TPRN: variants seen among roughly 807,000 people sequenced by gnomAD.
The protein encoded by TPRN is chromosome 9 open reading frame 75.
In TPRN, 32 loss-of-function variants were observed where a neutral mutation model predicts 42.6. The observed-to-expected ratio is 0.75, with a 90% confidence interval of 0.57 to 1.01. The LOEUF (loss-of-function observed/expected upper bound fraction) is 1.01. Ranked by LOEUF, TPRN falls within the 50% of genes least tolerant of loss-of-function variation. The pLI, the probability that TPRN is intolerant of heterozygous loss-of-function variation, is 0.00. For synonymous variants in TPRN, 541 were observed against 445.6 expected, an observed-to-expected ratio of 1.21 and a Z score of -2.70; for missense variants, 1,095 against 957.5, an observed-to-expected ratio of 1.14 and a Z score of -1.90.
intron 1 of TPRN, chr9:137,192,979 G>A: frequency 2.1e-6 from 1 of 479,566 alleles, no homozygotes; most frequent in Non-Finnish European, 3.8e-6. Flanking sequence ...CTCTAGACCA[G>A]CTCCTGGAGC....
chr9:137,199,912 G>T lies in TPRN; in HGVS notation c.800C>A (p.Thr267Asn), dbSNP rs1834775434. The change falls in exon 1 of 4, where the codon ACC becomes AAC. Residue 267 changes from threonine to asparagine, a missense_variant. Physicochemically the swap from Thr to Asn is moderately conservative, Grantham distance 65. Transcript: ENST00000409012. ...PSLHPPPSPG[T>N]PSATPASPPA... Reference sequence around the variant, plus strand: ...GGGTGAGGCTGGAGTGGCACTCGGGGTCCCGGGGCTGGGGGGCGGGTGGAG... The same window carrying T: ...GGGTGAGGCTGGAGTGGCACTCGGGTTCCCGGGGCTGGGGGGCGGGTGGAG... The T allele has an allele frequency of 2.0e-6, 3 of 1,495,168 alleles. No individual in the cohort carries two copies. Among genetic ancestry groups the T allele is most frequent in the Non-Finnish European group, 2.7e-6 (3 of 1,115,974 alleles). 92.6% of individuals were successfully genotyped at this position (1,495,168 alleles called of 1,614,324 possible). A position where few individuals can be genotyped will look rare whatever the true frequency, so the allele number is the denominator to read the frequency against.
chr9:137,196,858 C>T (rs1834712261), intron 1 of TPRN, among the ~76,000 whole-genome samples: 1 of 152,240 alleles, frequency 6.6e-6, no homozygotes, highest in African/African-American at 2.4e-5. Flanking sequence ...AAGTCACAGC[C>T]AGCAGGTCAT....
At position 137,191,729 on chromosome 9, in the gene TPRN, T is replaced by G. The variant is rs918878471; in HGVS notation, c.*383A>C. 2.7e-6 allele frequency: 1 copy of G among 377,302 alleles called. No homozygotes were observed. The highest frequency in any genetic ancestry group is 2.1e-5 in the African/African-American group (1 of 47,786). The allele number at this position is 377,302 out of a possible 1,614,324, so 23.4% of individuals were successfully genotyped here. ...GGCTTAGGGTCCTGCAGAGGACAAGTAGCTGGGACAGCCCTTCACCCCGAC... is the reference window on the plus strand; with the variant it reads ...GGCTTAGGGTCCTGCAGAGGACAAGGAGCTGGGACAGCCCTTCACCCCGAC... On this transcript the variant is annotated 3_prime_UTR_variant, in exon 4 of 4. Coordinates refer to ENST00000409012, the MANE Select transcript of TPRN (RefSeq NM_001128228.3).
chr9:137,194,100 C>T (rs1834672407), intron 1 of TPRN: 1 of 152,460 alleles, frequency 6.6e-6, no homozygotes, highest in Non-Finnish European at 1.5e-5. Context: ...GCACCCCTAC[C>T]CCAGGCCCCG....
chr9:137,200,388 G>A lies in TPRN; in HGVS notation c.324C>T (p.Pro108=). Residue 108 remains proline (P), a synonymous_variant, in exon 1 of 4, where the codon CCC becomes CCT. Transcript: ENST00000409012. This position sits in a 1 kb window ranked among gnomAD's most constrained non-coding sequence, Gnocchi z 4.3. The part of the protein sequence containing the change: ...LIIETVPGFP[P]APPAPGAAQI... ...GCGCGGCCCCCGGGGCGGGCGGCGCGGGCGGGAAGCCGGGCACCGTCTCGA... is the reference window on the plus strand; with the variant it reads ...GCGCGGCCCCCGGGGCGGGCGGCGCAGGCGGGAAGCCGGGCACCGTCTCGA... The A allele has an allele frequency of 9.2e-7, 1 of 1,091,194 alleles. No homozygotes were observed. Among genetic ancestry groups the A allele is most frequent in the South Asian group, 3.0e-5 (1 of 33,818 alleles). The allele number at this position is 1,091,194 out of a possible 1,614,324, so 67.6% of individuals were successfully genotyped here.
rs1290446938 is a variant in TPRN at position 137,192,528 on chromosome 9, A to C, written c.1889T>G (p.Phe630Cys). 1 of 1,607,600 alleles carries C rather than the reference A, an allele frequency of 6.2e-7. No individual in the cohort carries two copies. Among genetic ancestry groups the C allele is most frequent in the Admixed American group, 1.7e-5 (1 of 59,160 alleles). Reference sequence around the variant, plus strand: ...CGTGGCCCGGGGCAGGAAGAGTGCAAAGGGCTTCTCCTCTGAGCCGGATCC... The same window carrying C: ...CGTGGCCCGGGGCAGGAAGAGTGCACAGGGCTTCTCCTCTGAGCCGGATCC... ...EEGSGSEEKP[F>C]ALFLPRATFV... Residue 630 changes from phenylalanine (F) to cysteine (C), a missense_variant, in exon 2 of 4, where the codon TTT becomes TGT. By Grantham distance (205) the Phe-to-Cys change is radical. Coordinates refer to ENST00000409012, the MANE Select transcript of TPRN (RefSeq NM_001128228.3).
chr9:137,197,693 G>A (rs1260956845), intron 1 of TPRN, among the ~76,000 whole-genome samples: 1 of 152,192 alleles, frequency 6.6e-6, no homozygotes, highest in African/African-American at 2.4e-5. Flanking sequence ...CGCAGGGGAG[G>A]GAGAGGCAGA....
chr9:137,195,506 G>A (rs1834692262), intron 1 of TPRN, among the ~76,000 whole-genome samples: 1 of 152,268 alleles, frequency 6.6e-6, no homozygotes, highest in Non-Finnish European at 1.5e-5. Context: ...AGGCAGGGAG[G>A]AGCCCAGCCT....
intron 1 of TPRN, 139 bp from the exon 2 acceptor site, chr9:137,192,830 G>C: frequency 1.1e-6 from 1 of 899,812 alleles, no homozygotes; most frequent in Admixed American, 2.0e-5. Context: ...GGGGCTCCAG[G>C]AGGGGGCACA....
rs781607920 is a variant in TPRN, at chr9:137,199,064, G to T, written c.1648C>A (p.His550Asn). ...PTLKKRYPTVHEIEVIGGYLA... is the reference protein window; with the variant it reads ...PTLKKRYPTVNEIEVIGGYLA... ...TAGCCGCCAATCACCTCGATCTCAT[G>T]CACGGTGGGGTAGCGCTTCTTCAAC... Residue 550 changes from histidine to asparagine, a missense_variant, in exon 1 of 4, where the codon CAT becomes AAT. Coordinates refer to ENST00000409012, the MANE Select transcript of TPRN (RefSeq NM_001128228.3). 1.9e-6 allele frequency: 3 copies of T among 1,613,326 alleles called. No individual in the cohort carries two copies. Among genetic ancestry groups the T allele is most frequent in the Non-Finnish European group, 1.7e-6 (2 of 1,179,996 alleles).
chr9:137,199,530 G>A lies in TPRN; in HGVS notation c.1182C>T (p.Val394=). 1.9e-6 allele frequency: 3 copies of A among 1,568,338 alleles called. No homozygotes were observed. Among genetic ancestry groups the A allele is most frequent in the Non-Finnish European group, 1.7e-6 (2 of 1,157,192 alleles). The change falls in exon 1 of 4, where the codon GTC becomes GTT. Residue 394 remains valine, a synonymous_variant. Coordinates refer to ENST00000409012, the MANE Select transcript of TPRN (RefSeq NM_001128228.3). ...SPLEVEAQWA[V]EEGACPRTAT... is the part of the protein sequence containing the mutation. ...CTGTCCTGGGACAGGCCCCCTCCTCGACTGCCCACTGTGCCTCGACCTCCA... is the reference window on the plus strand; with the variant it reads ...CTGTCCTGGGACAGGCCCCCTCCTCAACTGCCCACTGTGCCTCGACCTCCA...
At chr9:137,195,116 G>A (rs993087963) in intron 1 of TPRN, 8 of 152,604 alleles carry the variant, frequency 5.2e-5, no homozygotes, top group Non-Finnish European at 1.0e-4. Context: ...TGTGAGCTGA[G>A]CCCAGCCCCG....
intron 1 of TPRN, 106 bp downstream of exon 1, chr9:137,198,881 C>A: frequency 1.7e-5 from 27 of 1,589,480 alleles, no homozygotes; most frequent in Non-Finnish European, 2.3e-5. Context: ...AGAAACCATC[C>A]TTTGCCCAGG....
rs2131355538 is a variant in TPRN at position 137,200,575 on chromosome 9, T to C, written c.137A>G (p.Gln46Arg). ...GAGPGAAEPE[Q>R]RVLAESLGPL... ...GCCCAGGCTCTCGGCCAGCACCCGC[T>C]GCTCGGGCTCCGCCGCCCCGGGCCC... Residue 46 changes from glutamine to arginine, a missense_variant, in exon 1 of 4, where the codon CAG (glutamine) becomes CGG (arginine). Coordinates refer to ENST00000409012, the MANE Select transcript of TPRN (RefSeq NM_001128228.3). This position sits in a 1 kb window ranked among gnomAD's most constrained non-coding sequence, Gnocchi z 4.3. 8.7e-7 allele frequency: 1 copy of C among 1,149,796 alleles called. No homozygotes were observed. Among genetic ancestry groups the C allele is most frequent in the African/African-American group, 1.7e-5 (1 of 60,440 alleles). 71.2% of individuals were successfully genotyped at this position (1,149,796 alleles called of 1,614,324 possible).
chr9:137,199,117 T>A lies in TPRN; in HGVS notation c.1595A>T (p.Glu532Val). ...GGGCCCCAGGAGGCAACTAGCCTCC[T>A]CCTCCTCGGCCTCCCGTGGCCGAGG... ...REPRPREAEEEEASCLLGPTL... is the reference protein window; with the variant it reads ...REPRPREAEEVEASCLLGPTL... The change falls in exon 1 of 4, where the codon GAG becomes GTG. Residue 532 changes from glutamate (E) to valine (V), a missense_variant. Glu to Val is a moderately radical substitution (Grantham distance 121). Coordinates refer to ENST00000409012, the MANE Select transcript of TPRN (RefSeq NM_001128228.3). The A allele has an allele frequency of 6.2e-7, 1 of 1,613,220 alleles. No homozygotes were observed.
At position 137,200,472 on chromosome 9, in the gene TPRN, CA is replaced by C; in HGVS notation, c.239del (p.Leu80ArgfsTer370). 8.9e-7 allele frequency: 1 copy of C among 1,121,472 alleles called. No individual in the cohort carries two copies. The highest frequency in any genetic ancestry group is 1.1e-6 in the Non-Finnish European group (1 of 918,502). The allele number at this position is 1,121,472 out of a possible 1,614,324, so 69.5% of individuals were successfully genotyped here. A position where few individuals can be genotyped will look rare whatever the true frequency, so the allele number is the denominator to read the frequency against. ...CGCCAGGCACGCGGCGGTACCGCTC[CA>C]GCAGCCGCGCCCCCGCCGCGCCCCC... ...RGGGAAGARL[L>X]ERYRRVPGVR... On this transcript the variant is annotated frameshift_variant, in exon 1 of 4. Coordinates refer to ENST00000409012, the MANE Select transcript of TPRN (RefSeq NM_001128228.3). LOFTEE classifies it high-confidence loss of function. This position sits in a 1 kb window ranked among gnomAD's most constrained non-coding sequence, Gnocchi z 4.3.
At position 137,192,559 on chromosome 9, in the gene TPRN, C is replaced by T. The variant is rs770652242; in HGVS notation, c.1858G>A (p.Glu620Lys). Residue 620 changes from glutamate to lysine, a missense_variant, in exon 2 of 4, where the codon GAA becomes AAA. Glu to Lys is a moderately conservative substitution (Grantham distance 56). Transcript: ENST00000409012. Reference sequence around the variant, plus strand: ...TTCTCCTCTGAGCCGGATCCCTCTTCCTCCTCTTCCTCTTCCTCCTCCTCC... The same window carrying T: ...TTCTCCTCTGAGCCGGATCCCTCTTTCTCCTCTTCCTCTTCCTCCTCCTCC... ...EEEEEEEEEE[E>K]EGSGSEEKPF... The T allele has an allele frequency of 1.2e-5, 20 of 1,611,170 alleles. No individual in the cohort carries two copies. Among genetic ancestry groups the T allele is most frequent in the South Asian group, 4.4e-5 (4 of 90,820 alleles).
rs1834639050 is a variant in TPRN, at chr9:137,192,505, T to C, written c.1912A>G (p.Thr638Ala). ...TCGGGTCTCACGCTGCTCACAAACGTGGCCCGGGGCAGGAAGAGTGCAAAG... is the reference window on the plus strand; with the variant it reads ...TCGGGTCTCACGCTGCTCACAAACGCGGCCCGGGGCAGGAAGAGTGCAAAG... Reference protein sequence around the residue: ...KPFALFLPRATFVSSVRPESS... With the variant: ...KPFALFLPRAAFVSSVRPESS... Residue 638 changes from threonine (T) to alanine (A), a missense_variant, in exon 2 of 4, where the codon ACG (threonine) becomes GCG (alanine). Thr to Ala is a moderately conservative substitution (Grantham distance 58). Transcript: ENST00000409012. The C allele has an allele frequency of 1.2e-6, 2 of 1,606,298 alleles. No homozygotes were observed. Among genetic ancestry groups the C allele is most frequent in the Non-Finnish European group, 8.5e-7 (1 of 1,176,684 alleles).
At position 137,192,251 on chromosome 9, in the gene TPRN, C is replaced by A. The variant is rs759039041; in HGVS notation, c.2073+8G>T. 4.3e-6 allele frequency: 7 copies of A among 1,613,164 alleles called. No homozygotes were observed. Among genetic ancestry groups the A allele is most frequent in the South Asian group, 3.3e-5 (3 of 91,090 alleles). ...CTCCCCCCAGCGCTCCACTCCCCCG[C>A]ATCTCACCATGGCCTCCACGGGCGG... On this transcript the variant is annotated splice_region_variant and intron_variant, in intron 3 of 3. Transcript: ENST00000409012.
Sources: gnomAD v4.1 joint callset for allele counts (sites outside exome capture counted in the v4.1 genomes callset) on GRCh38, gnomAD v4.1.1 for gene constraint, Gnocchi (gnomAD v3.1) non-coding constraint, MANE v1.5 for transcripts, NCBI Gene and HGNC (gene_info 2026-07-23, HGNC 2026-07-21) for gene names.